The following ROBO1 variants were observed in gnomAD, a reference collection of about 807,000 sequenced individuals.
ROBO1 encodes roundabout homolog 1.
A neutral mutation model predicts 195.9 loss-of-function variants in ROBO1; 149 were observed. That is an observed-to-expected ratio of 0.76 (90% confidence interval 0.67 to 0.87). The LOEUF (loss-of-function observed/expected upper bound fraction) is 0.87, where lower values mean the gene tolerates loss of function less well. Among genes scored for constraint, ROBO1 ranks in the 40% least tolerant of loss-of-function variants. The pLI, the probability that ROBO1 is intolerant of heterozygous loss-of-function variation, is 0.00. For synonymous variants in ROBO1, 816 were observed against 733.2 expected (o/e 1.11, Z -1.82); for missense variants, 1,933 against 2,068.3 (o/e 0.93, Z 1.27).
chr3:79,099,412 T>C (rs1232608964), intron 3 of ROBO1, among the ~76,000 whole-genome samples: 1 of 151,706 alleles, frequency 6.6e-6, no homozygotes, highest in Non-Finnish European at 1.5e-5. Flanking sequence ...TAAGTGCCAG[T>C]AGAAGACAAA....
At chr3:79,161,295 T>G (rs1308488684) in intron 2 of ROBO1, among the ~76,000 whole-genome samples, 1 of 152,072 alleles carries the variant, frequency 6.6e-6, no homozygotes, top group East Asian at 1.9e-4. Flanking sequence ...ACAAAATATT[T>G]TTGAGTAAGA....
chr3:79,323,494 G>T lies in ROBO1; in HGVS notation c.89-197955C>A, dbSNP rs116013200. On this transcript the variant is annotated intron_variant, in intron 2 of 30. Transcript: ENST00000464233. ...TCATTAGCTTATTAAGCATTCATTTGCACAGAAAACTATCTATGCATGCGT... is the reference window on the plus strand; with the variant it reads ...TCATTAGCTTATTAAGCATTCATTTTCACAGAAAACTATCTATGCATGCGT... Among the ~76,000 whole-genome samples the T allele has an allele frequency of 1.5e-3, 229 of 152,206 alleles. 1 individual carries two copies. The highest frequency in any genetic ancestry group is 1.7e-3 in the Non-Finnish European group (116 of 68,012).
At chr3:78,688,217 G>A (rs996668311) in intron 9 of ROBO1, among the ~76,000 whole-genome samples, 2 of 152,100 alleles carry the variant, frequency 1.3e-5, no homozygotes, top group African/African-American at 4.8e-5. Context: ...ATTTCATATA[G>A]CTTAATGATT....
intron 2 of ROBO1, among the ~76,000 whole-genome samples, chr3:79,577,147 TA>T (rs765933763): frequency 1.1e-4 from 17 of 151,262 alleles, no homozygotes; most frequent in Admixed American, 7.4e-4. Context: ...ACATGTAAAA[TA>T]AAAAAATGTT....
At chr3:79,499,195 A>G (rs1939919987) in intron 2 of ROBO1, among the ~76,000 whole-genome samples, 2 of 152,108 alleles carry the variant, frequency 1.3e-5, no homozygotes, top group African/African-American at 4.8e-5. Context: ...GGGTTTCGCC[A>G]TGTTGGCCAG....
chr3:79,740,193 C>A (rs1006456560), intron 1 of ROBO1, among the ~76,000 whole-genome samples: 28 of 142,270 alleles, frequency 2.0e-4, no homozygotes, highest in Middle Eastern at 3.6e-3. Context: ...AATGCATCCT[C>A]TGATAAAAAA....
intron 10 of ROBO1, among the ~76,000 whole-genome samples, chr3:78,676,053 C>T (rs1708403925): frequency 6.6e-6 from 1 of 152,136 alleles, no homozygotes; most frequent in Admixed American, 6.5e-5. Flanking sequence ...GCTGCTGGTA[C>T]CCAGGCAAAC....
intron 2 of ROBO1, among the ~76,000 whole-genome samples, chr3:79,283,054 A>G (rs1315597102): frequency 6.6e-6 from 1 of 152,246 alleles, no homozygotes; most frequent in African/African-American, 2.4e-5. Flanking sequence ...GCTTATTTGT[A>G]TCTATATAAA....
intron 23 of ROBO1, 39 bp downstream of exon 23, chr3:78,635,734 C>CT (rs756943608): frequency 6.4e-7 from 1 of 1,553,600 alleles, no homozygotes; most frequent in Non-Finnish European, 8.8e-7. Flanking sequence ...CTGAGAGTAT[C>CT]ATACAGAAAC....
chr3:79,761,859 G>C (rs534096742), intron 1 of ROBO1, among the ~76,000 whole-genome samples: 1 of 152,288 alleles, frequency 6.6e-6, no homozygotes, highest in African/African-American at 2.4e-5. Context: ...GAGAGCAATT[G>C]TTGTGATAAA....
intron 4 of ROBO1, among the ~76,000 whole-genome samples, chr3:78,788,780 CA>C (rs1376262204): frequency 6.6e-6 from 1 of 151,712 alleles, no homozygotes; most frequent in East Asian, 1.9e-4. Context: ...AAAACTGACA[CA>C]GCTAAAATTA....
At chr3:78,985,098 G>C (rs1299649888) in intron 3 of ROBO1, among the ~76,000 whole-genome samples, 2 of 152,114 alleles carry the variant, frequency 1.3e-5, no homozygotes, top group Non-Finnish European at 2.9e-5. Context: ...TGGACTGCTT[G>C]AGCCCAGGAG....
At chr3:78,741,791 C>T (rs987675396) in intron 5 of ROBO1, among the ~76,000 whole-genome samples, 1 of 152,078 alleles carries the variant, frequency 6.6e-6, no homozygotes, top group African/African-American at 2.4e-5. Context: ...ACCAGTTAAA[C>T]TACTTTTATT....
chr3:78,974,837 T>C (rs1171956234), intron 3 of ROBO1, among the ~76,000 whole-genome samples: 1 of 152,140 alleles, frequency 6.6e-6, no homozygotes, highest in Non-Finnish European at 1.5e-5. Flanking sequence ...GACAAGCAAA[T>C]ATTGTACCCC....
intron 2 of ROBO1, among the ~76,000 whole-genome samples, chr3:79,370,295 T>TTGCA (rs1372420250): frequency 6.6e-6 from 1 of 151,528 alleles, no homozygotes; most frequent in Non-Finnish European, 1.5e-5. Flanking sequence ...GAGGCGGAGG[T>TTGCA]TGCAGTAAAC....
At chr3:79,025,057 T>C (rs1450700313) in intron 3 of ROBO1, among the ~76,000 whole-genome samples, 1 of 152,160 alleles carries the variant, frequency 6.6e-6, no homozygotes, top group Non-Finnish European at 1.5e-5. Context: ...TAGTCCCTCA[T>C]ACTTTCCTGA....
chr3:79,208,044 AAAAATTGATGATAAC>A, intron 2 of ROBO1, among the ~76,000 whole-genome samples: 1 of 152,218 alleles, frequency 6.6e-6, no homozygotes, highest in South Asian at 2.1e-4. Flanking sequence ...CCTTGATGTC[AAAAATTGATGATAAC>A]AAATCTAAGT....
chr3:78,658,459 T>C (rs1051419901), intron 17 of ROBO1, among the ~76,000 whole-genome samples: 16 of 152,122 alleles, frequency 1.1e-4, no homozygotes, highest in African/African-American at 3.1e-4. Context: ...CTCAGCTAAT[T>C]TTTGTATTTT....
At chr3:79,503,850 CTCCTT>C (rs1940249267) in intron 2 of ROBO1, among the ~76,000 whole-genome samples, 1 of 152,138 alleles carries the variant, frequency 6.6e-6, no homozygotes, top group African/African-American at 2.4e-5. Context: ...TCAACAAAGA[CTCCTT>C]TCAATTAGGA....
Sources: gnomAD v4.1 joint callset for allele counts (sites outside exome capture counted in the v4.1 genomes callset) on GRCh38, gnomAD v4.1.1 for gene constraint, MANE v1.5 for transcripts, NCBI Gene and HGNC (gene_info 2026-07-23, HGNC 2026-07-21) for gene names.